Variants in ADCK5 observed in about 807,000 individuals in gnomAD.
ADCK5 encodes the protein aarF domain containing kinase 5.
A neutral mutation model predicts 64.9 loss-of-function variants in ADCK5; 43 were observed. That is an observed-to-expected ratio of 0.66 (90% CI 0.52 to 0.85). The LOEUF (loss-of-function observed/expected upper bound fraction) is 0.85, where lower values mean the gene tolerates loss of function less well. Among genes scored for constraint, ADCK5 ranks in the 40% least tolerant of loss-of-function variants. The pLI is 0.00. For synonymous variants in ADCK5, 434 were observed against 342.8 expected (o/e 1.27, Z -2.94); for missense variants, 760 against 810.5 (o/e 0.94, Z 0.76).
rs1820223898 is a variant in ADCK5, at chr8:144,391,478, C to T, written c.798+4C>T. ...TGGCTTCAGCTGGGTCCTCCAGGTA[C>T]AGCCCCACCCCTTCCCCGGCCAGCA... On this transcript the variant is annotated splice_donor_region_variant and intron_variant, in intron 7 of 14. Transcript: ENST00000308860. 16 of 1,608,424 alleles carry T rather than the reference C, an allele frequency of 9.9e-6. No homozygotes were observed. The highest frequency in any genetic ancestry group is 1.4e-5 in the Non-Finnish European group (16 of 1,178,418).
At chr8:144,390,623 G>GGGCCCCGAGCC in intron 3 of ADCK5, 48 bp from the exon 4 acceptor site, 1 of 1,594,174 alleles carries the variant, frequency 6.3e-7, no homozygotes, top group Non-Finnish European at 8.6e-7. Context: ...CCAAGCACCG[G>GGGCCCCGAGCC]GGCCCCGAGC....
chr8:144,374,804 C>T (rs782162955), intron 1 of ADCK5, among the ~76,000 whole-genome samples: 25 of 152,142 alleles, frequency 1.6e-4, no homozygotes, highest in Admixed American at 6.6e-5. Flanking sequence ...CCCATGGCTC[C>T]GAGGCCCCCT....
Position 144,392,111 on chromosome 8 carries a change from G to A in ADCK5, c.1116G>A (p.Pro372=), listed in dbSNP as rs200173122. 6.2e-6 allele frequency: 10 copies of A among 1,611,626 alleles called. No individual in the cohort carries two copies. The highest frequency in any genetic ancestry group is 5.3e-5 in the African/African-American group (4 of 74,872). Residue 372 remains proline, a synonymous_variant, in exon 11 of 15, where the codon CCG becomes CCA. Transcript: ENST00000308860. ...CCCTAGTTCTGGTGCGGAAAGGCCC[G>A]GACGGGAAAGCGGAGCTGGTGCTGC... The part of the protein sequence containing the change: ...HPGNVLVRKG[P]DGKAELVLLD...
At chr8:144,386,170 C>T (rs1176653079) in intron 3 of ADCK5, among the ~76,000 whole-genome samples, 2 of 150,826 alleles carry the variant, frequency 1.3e-5, no homozygotes, top group Non-Finnish European at 3.0e-5. Context: ...GCCACCATGC[C>T]CGGCTAATTT....
Position 144,377,703 on chromosome 8 carries a change from A to G in ADCK5, c.13-1684A>G, listed in dbSNP as rs372270063. The stretch of plus-strand genomic sequence containing the variant: ...CTGCAGCATGTCCTCTTCTCCTCCA[A>G]GTAAAAGATGTACAGGGTCCCTGTC... On this transcript the variant is annotated intron_variant, in intron 1 of 14. Transcript: ENST00000308860. Among the ~76,000 whole-genome samples the G allele has an allele frequency of 1.0e-3, 158 of 152,256 alleles. 1 individual carries two copies. The South Asian group carries it at 0.028, about 27-fold the overall frequency.
chr8:144,389,989 C>T (rs540398662), intron 3 of ADCK5, among the ~76,000 whole-genome samples: 60 of 151,380 alleles, frequency 4.0e-4, no homozygotes, highest in Non-Finnish European at 7.1e-4. Flanking sequence ...CCACCACACC[C>T]GGCTAATTTT....
At chr8:144,373,956 T>C, upstream of ADCK5, 1 of 978,908 alleles carries the variant, frequency 1.0e-6, no homozygotes, top group Non-Finnish European at 1.3e-6. Context: ...ACTCGGGGCG[T>C]GGCCTCCAGC....
In ADCK5 at chr8:144,393,083, C is replaced by A. The variant is rs556789935; in HGVS notation, c.*9C>A. ...AGTACCTGGAGACCTAGGGTGCAGC[C>A]GCCCAGGGCCGGCGGGGCCCTTTTC... On this transcript the variant is annotated 3_prime_UTR_variant, in exon 15 of 15. Coordinates refer to ENST00000308860, the MANE Select transcript of ADCK5 (RefSeq NM_174922.5). The A allele has an allele frequency of 5.2e-6, 8 of 1,552,822 alleles. No homozygotes were observed. The highest frequency in any genetic ancestry group is 6.9e-6 in the Non-Finnish European group (8 of 1,154,020).
chr8:144,381,645 T>C (rs12682081), intron 2 of ADCK5, among the ~76,000 whole-genome samples: 1 of 144,738 alleles, frequency 6.9e-6, no homozygotes, highest in South Asian at 2.2e-4. Flanking sequence ...GGGCCGGGTG[T>C]AGAAACAGAT....
In ADCK5 at chr8:144,391,844, G is replaced by A. The variant is rs543428878; in HGVS notation, c.992G>A (p.Ser331Asn). The change falls in exon 9 of 15, where the codon AGC becomes AAC. Residue 331 changes from serine (S) to asparagine (N), a missense_variant. Physicochemically the swap from Ser to Asn is conservative, Grantham distance 46. Transcript: ENST00000308860. ...GTCAACGATGTGGAGGCCATCAGGAGCCAGGGGCTGGCAGTGCATGACGTG... is the reference window on the plus strand; with the variant it reads ...GTCAACGATGTGGAGGCCATCAGGAACCAGGGGCTGGCAGTGCATGACGTG... ...CKVNDVEAIRSQGLAVHDIAE... is the reference protein window; with the variant it reads ...CKVNDVEAIRNQGLAVHDIAE... The A allele has an allele frequency of 6.3e-5, 96 of 1,530,744 alleles. No homozygotes were observed. The South Asian group carries it at 9.9e-4, about 16-fold the overall frequency. The allele number at this position is 1,530,744 out of a possible 1,614,324, so 94.8% of individuals were successfully genotyped here. A position where few individuals can be genotyped will look rare whatever the true frequency, so the allele number is the denominator to read the frequency against.
chr8:144,389,737 G>A (rs1820114831), intron 3 of ADCK5, among the ~76,000 whole-genome samples: 1 of 152,004 alleles, frequency 6.6e-6, no homozygotes, highest in African/African-American at 2.4e-5. Flanking sequence ...TCACCATGTT[G>A]GTCAGGATGG....
intron 2 of ADCK5, 116 bp from the exon 3 acceptor site, chr8:144,382,965 G>T: frequency 7.1e-7 from 1 of 1,414,944 alleles, no homozygotes; most frequent in East Asian, 2.5e-5. Context: ...CTGACCACAC[G>T]TCAGAATGGC....
chr8:144,392,459 G>T lies in ADCK5; in HGVS notation c.1282G>T (p.Ala428Ser). Residue 428 changes from alanine to serine, a missense_variant, in exon 13 of 15, where the codon GCC becomes TCC. Physicochemically the swap from Ala to Ser is moderately conservative, Grantham distance 99. This residue lies in a region of ADCK5 where 333 missense variants were observed against 292.0 expected (regional missense o/e 1.14). Coordinates refer to ENST00000308860, the MANE Select transcript of ADCK5 (RefSeq NM_174922.5). ...TCCCTCCCCAGACTACCTCCTGTTC[G>T]CCGAGATGCTCATGCAGCGCCCCGT... is the stretch of plus-strand genomic sequence containing the variant. ...ALGVQDYLLF[A>S]EMLMQRPVRL... 6.9e-7 allele frequency: 1 copy of T among 1,442,618 alleles called. No homozygotes were observed. Among genetic ancestry groups the T allele is most frequent in the Non-Finnish European group, 9.1e-7 (1 of 1,095,396 alleles). The allele number at this position is 1,442,618 out of a possible 1,614,324, so 89.4% of individuals were successfully genotyped here. A position where few individuals can be genotyped will look rare whatever the true frequency, so the allele number is the denominator to read the frequency against.
intron 3 of ADCK5, among the ~76,000 whole-genome samples, chr8:144,390,061 C>T (rs532947539): frequency 2.7e-5 from 4 of 150,086 alleles, no homozygotes; most frequent in African/African-American, 9.8e-5. Context: ...GAACTCCTGA[C>T]CTCTGGTGAT....
Position 144,376,706 on chromosome 8 carries a change from C to A in ADCK5, c.12+2599C>A, listed in dbSNP as rs564842395. On this transcript the variant is annotated intron_variant, in intron 1 of 14. Coordinates refer to ENST00000308860, the MANE Select transcript of ADCK5 (RefSeq NM_174922.5). This position sits in a 1 kb window ranked among gnomAD's most constrained non-coding sequence, Gnocchi z 5.1. ...GAGGTAGCTCCCTTGCAGCCACTTA[C>A]GAGCTGCTGTTCAGAGTCTCTCCAC... Among the ~76,000 whole-genome samples, 1 of 152,044 alleles carries A rather than the reference C, an allele frequency of 6.6e-6. No homozygotes were observed. The highest frequency in any genetic ancestry group is 2.4e-5 in the African/African-American group (1 of 41,406).
chr8:144,389,284 G>A (rs781817227), intron 3 of ADCK5: 11 of 456,568 alleles, frequency 2.4e-5, no homozygotes, highest in South Asian at 1.7e-4. Flanking sequence ...CCAGGCCTTG[G>A]AGACCCACCC....
In ADCK5 at chr8:144,376,749, G is replaced by A. The variant is rs1480045628; in HGVS notation, c.13-2638G>A. On this transcript the variant is annotated intron_variant, in intron 1 of 14. Transcript: ENST00000308860. The surrounding 1 kb of genome is among the most constrained non-coding windows in gnomAD (Gnocchi z 5.1). Reference sequence around the variant, plus strand: ...CTCTCCACAGTCCGTGGGCACGACTGCCTGATCTCGGGGCCTCTAGCCATG... The same window carrying A: ...CTCTCCACAGTCCGTGGGCACGACTACCTGATCTCGGGGCCTCTAGCCATG... Among the ~76,000 whole-genome samples the A allele has an allele frequency of 6.6e-6, 1 of 152,212 alleles. No homozygotes were observed. Among genetic ancestry groups the A allele is most frequent in the Non-Finnish European group, 1.5e-5 (1 of 68,038 alleles).
rs782800907 is a variant in ADCK5, at chr8:144,392,555, C to T, written c.1378C>T (p.Arg460Cys). Residue 460 changes from arginine (R) to cysteine (C), a missense_variant, in exon 13 of 15, where the codon CGC becomes TGC. Transcript: ENST00000308860. ...GGCGGCCTACATGGTGGACATGGCC[C>T]GCGAGCGCTTCGAGGCCGTCATGGC... ...EEAAYMVDMA[R>C]ERFEAVMAVL... The T allele has an allele frequency of 6.4e-6, 10 of 1,566,272 alleles. 1 individual carries two copies. The Admixed American group carries it at 9.1e-5, about 14-fold the overall frequency.
At position 144,393,030 on chromosome 8, in the gene ADCK5, C is replaced by T. The variant is rs553208368; in HGVS notation, c.1699C>T (p.Leu567Phe). The change falls in exon 15 of 15, where the codon CTC becomes TTC. Residue 567 changes from leucine (L) to phenylalanine (F), a missense_variant. By Grantham distance (22) the Leu-to-Phe change is conservative. Around this residue, in one of 2 missense-constraint regions of ADCK5, gnomAD observed 333 missense variants for 292.0 expected, o/e 1.14. Coordinates refer to ENST00000308860, the MANE Select transcript of ADCK5 (RefSeq NM_174922.5). ...LLARALVHLS[L>F]VPPAEELYQY... Reference sequence around the variant, plus strand: ...GGCTCGTGCTCTGGTCCACCTGAGCCTCGTGCCCCCAGCGGAGGAGCTCTA... The same window carrying T: ...GGCTCGTGCTCTGGTCCACCTGAGCTTCGTGCCCCCAGCGGAGGAGCTCTA... 2.5e-6 allele frequency: 4 copies of T among 1,590,908 alleles called. No individual in the cohort carries two copies. Among genetic ancestry groups the T allele is most frequent in the Admixed American group, 1.7e-5 (1 of 57,394 alleles).
Sources: gnomAD v4.1 joint callset for allele counts (sites outside exome capture counted in the v4.1 genomes callset) on GRCh38, gnomAD v4.1.1 for gene constraint, gnomAD v4.1.1 regional missense constraint, Gnocchi (gnomAD v3.1) non-coding constraint, MANE v1.5 for transcripts, NCBI Gene and HGNC (gene_info 2026-07-23, HGNC 2026-07-21) for gene names.